Variants in BAZ1B observed in about 807,000 individuals in gnomAD.
BAZ1B encodes the protein tyrosine-protein kinase BAZ1B.
In BAZ1B, 22 loss-of-function variants were observed where a neutral mutation model predicts 153.8. That is an observed-to-expected ratio of 0.14 (90% CI 0.10 to 0.20). BAZ1B has a LOEUF of 0.20. BAZ1B is among the 10% of genes least tolerant of loss of function. The pLI is 1.00. For missense variants in BAZ1B, 1,325 were observed against 1,799.3 expected, an observed-to-expected ratio of 0.74 and a Z score of 4.77; for synonymous variants, 676 against 633.4, an observed-to-expected ratio of 1.07 and a Z score of -1.01.
Position 73,478,136 on chromosome 7 carries a change from T to A in BAZ1B, c.1325A>T (p.Asp442Val). Residue 442 changes from aspartate (D) to valine (V), a missense_variant, in exon 7 of 20, where the codon GAT becomes GTT. Physicochemically the swap from Asp to Val is radical, Grantham distance 152. This residue lies in a region of BAZ1B where 219 missense variants were observed against 248.2 expected (regional missense o/e 0.88). Coordinates refer to ENST00000339594, the MANE Select transcript of BAZ1B (RefSeq NM_032408.4). ...CATCTTCTGCGTGCCTTTGGCCATA[T>A]CCAACAAAGTCATCTGCTTCATTTT... Reference protein sequence around the residue: ...KTKMKQMTLLDMAKGTQKMTR... With the variant: ...KTKMKQMTLLVMAKGTQKMTR... 6.2e-7 allele frequency: 1 copy of A among 1,614,198 alleles called. No homozygotes were observed. The highest frequency in any genetic ancestry group is 8.5e-7 in the Non-Finnish European group (1 of 1,180,040).
chr7:73,463,947 C>T (rs1788483867), intron 11 of BAZ1B, among the ~76,000 whole-genome samples: 1 of 152,206 alleles, frequency 6.6e-6, no homozygotes, highest in Admixed American at 6.5e-5. Flanking sequence ...ACCTTGTGAT[C>T]CGCCTGCCTC....
In BAZ1B at chr7:73,450,783, G is replaced by T; in HGVS notation, c.3580+64C>A. The T allele has an allele frequency of 1.9e-6, 3 of 1,569,132 alleles. No individual in the cohort carries two copies. Among genetic ancestry groups the T allele is most frequent in the Middle Eastern group, 1.7e-4 (1 of 5,922 alleles). ...CAAAATTCTTTTGGGTAGAAATGAA[G>T]ATCTTGGGAATAGAAATCCTACTCC... is the stretch of plus-strand genomic sequence containing the variant. On this transcript the variant is annotated intron_variant, in intron 14 of 19. Coordinates refer to ENST00000339594, the MANE Select transcript of BAZ1B (RefSeq NM_032408.4). The surrounding 1 kb of genome is among the most constrained non-coding windows in gnomAD (Gnocchi z 4.1).
At chr7:73,459,414 C>G in intron 13 of BAZ1B, 122 bp downstream of exon 13, 1 of 981,758 alleles carries the variant, frequency 1.0e-6, no homozygotes, top group Non-Finnish European at 1.5e-6. Flanking sequence ...CACACACACA[C>G]ACAAAAACAC....
intron 1 of BAZ1B, among the ~76,000 whole-genome samples, chr7:73,518,107 T>C (rs182669881): frequency 1.3e-3 from 199 of 152,178 alleles, no homozygotes; most frequent in African/African-American, 4.5e-3. Flanking sequence ...CTTTAAAGAA[T>C]GTATAAAAAT....
chr7:73,508,033 G>A (rs1467501034), intron 3 of BAZ1B, among the ~76,000 whole-genome samples: 13 of 152,132 alleles, frequency 8.5e-5, no homozygotes, highest in African/African-American at 2.2e-4. Flanking sequence ...GTGCACACCT[G>A]TAGTCCCAGC....
At chr7:73,502,043 A>G (rs1790154521) in intron 3 of BAZ1B, among the ~76,000 whole-genome samples, 1 of 151,902 alleles carries the variant, frequency 6.6e-6, no homozygotes, top group Admixed American at 6.6e-5. Flanking sequence ...GGCACGCGCC[A>G]CCATGCCTGG....
intron 1 of BAZ1B, among the ~76,000 whole-genome samples, chr7:73,513,616 T>C (rs1202837396): frequency 2.0e-5 from 3 of 152,196 alleles, no homozygotes; most frequent in Non-Finnish European, 4.4e-5. Context: ...TGTCTTATTT[T>C]TGTCTACTGA....
At chr7:73,521,104 T>C (rs1554580115) in intron 1 of BAZ1B, among the ~76,000 whole-genome samples, 1 of 143,686 alleles carries the variant, frequency 7.0e-6, no homozygotes, top group African/African-American at 2.6e-5. Flanking sequence ...TCTTGGTTTT[T>C]TTGTTTGTTT....
In BAZ1B at chr7:73,462,174, C is replaced by T. The variant is rs191555823; in HGVS notation, c.3249+748G>A. 1.1e-3 allele frequency among the ~76,000 whole-genome samples: 169 copies of T among 152,296 alleles called. 1 individual carries two copies. The highest frequency in any genetic ancestry group is 3.9e-3 in the African/African-American group (163 of 41,564). On this transcript the variant is annotated intron_variant, in intron 12 of 19. Coordinates refer to ENST00000339594, the MANE Select transcript of BAZ1B (RefSeq NM_032408.4). ...ATCACTTAAGCCCAGGAATTTGAGG[C>T]TGCAGTGAGCAATGACTGTGCCACT...
At chr7:73,501,835 T>A (rs1228060079) in intron 3 of BAZ1B, among the ~76,000 whole-genome samples, 1 of 152,112 alleles carries the variant, frequency 6.6e-6, no homozygotes, top group Non-Finnish European at 1.5e-5. Context: ...ATTCCCCTGA[T>A]TATAAACTTT....
At chr7:73,486,003 C>G (rs1789392555) in intron 6 of BAZ1B, among the ~76,000 whole-genome samples, 1 of 152,112 alleles carries the variant, frequency 6.6e-6, no homozygotes, top group African/African-American at 2.4e-5. Flanking sequence ...ATCATTCCTC[C>G]AAGTCATTGG....
At chr7:73,446,321 A>G (rs551765448) in intron 16 of BAZ1B, among the ~76,000 whole-genome samples, 21 of 152,304 alleles carry the variant, frequency 1.4e-4, no homozygotes, top group African/African-American at 5.1e-4. Flanking sequence ...ATAGTGGCTT[A>G]TGCCTGTAAT....
chr7:73,502,795 T>G (rs782786285), intron 3 of BAZ1B, among the ~76,000 whole-genome samples: 39 of 151,910 alleles, frequency 2.6e-4, no homozygotes. Flanking sequence ...AAAAGAATAT[T>G]AACAGTACCT....
chr7:73,459,390 A>T lies in BAZ1B; in HGVS notation c.3432+146T>A, dbSNP rs551056215. 1.7e-4 allele frequency: 46 copies of T among 262,892 alleles called. No homozygotes were observed. In the East Asian group the frequency reaches 3.2e-3, roughly 18 times the overall value. 16.3% of individuals were successfully genotyped at this position (262,892 alleles called of 1,614,324 possible). On this transcript the variant is annotated intron_variant, in intron 13 of 19. Transcript: ENST00000339594. ...ACCACAGAAGGGGTAGAAAGTGATTAAAAAAAAAAAAAACACACACACACA... is the reference window on the plus strand; with the variant it reads ...ACCACAGAAGGGGTAGAAAGTGATTTAAAAAAAAAAAAACACACACACACA...
intron 3 of BAZ1B, among the ~76,000 whole-genome samples, chr7:73,502,003 G>A (rs1390991521): frequency 3.4e-5 from 5 of 148,282 alleles, no homozygotes; most frequent in African/African-American, 5.0e-5. Context: ...CAATTCTCCT[G>A]TCTCAGCCTT....
rs1787952129 is a variant in BAZ1B, at chr7:73,449,432, AAGATGAACTTAAAGC to A, written c.3728+95_3728+109del. ...GTAAATGATCAGGCTCTGTACCCAAAAGATGAACTTAAAGCTCCTTAGATTCATTCTGTTTGAATA... is the reference window on the plus strand; with the variant it reads ...GTAAATGATCAGGCTCTGTACCCAAATCCTTAGATTCATTCTGTTTGAATA... On this transcript the variant is annotated intron_variant, in intron 15 of 19. Transcript: ENST00000339594. 1.2e-5 allele frequency: 16 copies of A among 1,324,164 alleles called. No homozygotes were observed. In the Middle Eastern group the frequency reaches 1.4e-3, roughly 113 times the overall value. 82.0% of individuals were successfully genotyped at this position (1,324,164 alleles called of 1,614,324 possible). A position where few individuals can be genotyped will look rare whatever the true frequency, so the allele number is the denominator to read the frequency against.
At position 73,498,765 on chromosome 7, in the gene BAZ1B, A is replaced by G. The variant is rs1340805848; in HGVS notation, c.370-67T>C. ...CCAGAAACCTGAAGATGTTTAGAAC[A>G]TATCATCCAATATACATGCCTCCTC... On this transcript the variant is annotated intron_variant, in intron 3 of 19. Coordinates refer to ENST00000339594, the MANE Select transcript of BAZ1B (RefSeq NM_032408.4). 34 of 1,311,102 alleles carry G rather than the reference A, an allele frequency of 2.6e-5. 1 individual carries two copies. The Admixed American group carries it at 3.8e-4, about 15-fold the overall frequency. The allele number at this position is 1,311,102 out of a possible 1,614,324, so 81.2% of individuals were successfully genotyped here. A position where few individuals can be genotyped will look rare whatever the true frequency, so the allele number is the denominator to read the frequency against.
intron 14 of BAZ1B, among the ~76,000 whole-genome samples, 190 bp from the exon 15 acceptor site, chr7:73,449,879 AT>A: frequency 6.6e-6 from 1 of 152,238 alleles, no homozygotes; most frequent in Non-Finnish European, 1.5e-5. Flanking sequence ...ATTACAGATA[AT>A]TTGGGAATCA....
At chr7:73,472,742 AATTTATTTATTT>A (rs112634031) in intron 7 of BAZ1B, among the ~76,000 whole-genome samples, 2 of 145,650 alleles carry the variant, frequency 1.4e-5, no homozygotes, top group Non-Finnish European at 3.0e-5. Context: ...ACAGCCAGCT[AATTTATTTATTT>A]ATTTATTTAT....
Sources: gnomAD v4.1 joint callset for allele counts (sites outside exome capture counted in the v4.1 genomes callset) on GRCh38, gnomAD v4.1.1 for gene constraint, gnomAD v4.1.1 regional missense constraint, Gnocchi (gnomAD v3.1) non-coding constraint, MANE v1.5 for transcripts, NCBI Gene and HGNC (gene_info 2026-07-23, HGNC 2026-07-21) for gene names.